MBD5: variants seen among roughly 807,000 people sequenced by gnomAD.
MBD5 encodes methyl-CpG binding domain protein 5.
Under a neutral mutation model 117.3 loss-of-function variants are expected in MBD5, and 13 were observed. The observed-to-expected ratio is 0.11, with a 90% CI of 0.07 to 0.18. MBD5 has a LOEUF of 0.18. Among genes scored for constraint, MBD5 ranks in the 10% least tolerant of loss-of-function variants. The pLI is 1.00. For missense variants in MBD5, 1,879 were observed against 2,093.8 expected, an observed-to-expected ratio of 0.90 and a Z score of 2.00; for synonymous variants, 727 against 766.4, an observed-to-expected ratio of 0.95 and a Z score of 0.85.
chr2:148,450,629 CAA>C (rs1363320833), intron 4 of MBD5, among the ~76,000 whole-genome samples: 1 of 152,106 alleles, frequency 6.6e-6, no homozygotes, highest in African/African-American at 2.4e-5. Context: ...TTCCAAGAAA[CAA>C]GAGCGAAAGT....
intron 2 of MBD5, among the ~76,000 whole-genome samples, chr2:148,223,819 T>G (rs1315615006): frequency 1.3e-5 from 2 of 152,292 alleles, no homozygotes; most frequent in East Asian, 3.9e-4. Flanking sequence ...CTTTAGGTTG[T>G]CTATTTGAAG....
intron 4 of MBD5, among the ~76,000 whole-genome samples, chr2:148,408,140 GA>G: frequency 6.6e-6 from 1 of 152,194 alleles, no homozygotes; most frequent in South Asian, 2.1e-4. Context: ...CAATAAAGAA[GA>G]AAATCTTCAA....
At chr2:148,228,404 G>A (rs1699892477) in intron 2 of MBD5, among the ~76,000 whole-genome samples, 1 of 152,140 alleles carries the variant, frequency 6.6e-6, no homozygotes, top group Non-Finnish European at 1.5e-5. Context: ...TTTATATGCT[G>A]GATTACGTTT....
chr2:148,317,102 AC>A (rs1413993009), intron 3 of MBD5, among the ~76,000 whole-genome samples: 1 of 152,206 alleles, frequency 6.6e-6, no homozygotes, highest in Non-Finnish European at 1.5e-5. Context: ...TAATCCCAGC[AC>A]TTTGGGAGGC....
intron 5 of MBD5, among the ~76,000 whole-genome samples, chr2:148,459,575 G>T (rs1707000696): frequency 6.6e-6 from 1 of 152,132 alleles, no homozygotes; most frequent in African/African-American, 2.4e-5. Context: ...TCTGAAAGAA[G>T]ATACCATAAA....
At chr2:148,117,757 C>T (rs1389265271) in intron 1 of MBD5, among the ~76,000 whole-genome samples, 1 of 152,090 alleles carries the variant, frequency 6.6e-6, no homozygotes, top group Non-Finnish European at 1.5e-5. Context: ...TATATGCCTT[C>T]AATGGATTAT....
intron 4 of MBD5, among the ~76,000 whole-genome samples, chr2:148,445,729 T>C (rs1332939045): frequency 6.6e-6 from 1 of 151,432 alleles, no homozygotes; most frequent in Admixed American, 6.6e-5. Context: ...TCCACAATGG[T>C]TGAACTAGTT....
At chr2:148,226,686 A>T (rs1699830497) in intron 2 of MBD5, among the ~76,000 whole-genome samples, 2 of 152,154 alleles carry the variant, frequency 1.3e-5, no homozygotes, top group East Asian at 1.9e-4. Context: ...AGGAATCGCC[A>T]CACCGACTTC....
intron 4 of MBD5, among the ~76,000 whole-genome samples, chr2:148,424,069 T>C (rs1191283821): frequency 3.3e-5 from 5 of 150,482 alleles, no homozygotes; most frequent in African/African-American, 7.3e-5. Flanking sequence ...CCCCAGCTAC[T>C]CAGGAGGCTG....
At chr2:148,360,340 A>G (rs1289900904) in intron 4 of MBD5, among the ~76,000 whole-genome samples, 1 of 152,130 alleles carries the variant, frequency 6.6e-6, no homozygotes, top group Non-Finnish European at 1.5e-5. Context: ...TATTTTTAGT[A>G]TATGTTCTTT....
rs185601118 is a variant in MBD5, at chr2:148,208,384, G to A, written c.-830-24861G>A. On this transcript the variant is annotated intron_variant, in intron 2 of 13. Transcript: ENST00000642680. ...TTCTGGTGTCTCAGCCTCCCAAGTA[G>A]CTGGGACTACAAGCATGCGCTCCAA... Among the ~76,000 whole-genome samples, 544 of 152,150 alleles carry A rather than the reference G, an allele frequency of 3.6e-3. 2 individuals carry two copies. Among genetic ancestry groups the A allele is most frequent in the African/African-American group, 0.012 (504 of 41,488 alleles).
At chr2:148,111,890 G>T (rs1230618592) in intron 1 of MBD5, among the ~76,000 whole-genome samples, 1 of 152,056 alleles carries the variant, frequency 6.6e-6, no homozygotes, top group African/African-American at 2.4e-5. Flanking sequence ...TAGAGACACA[G>T]ATTAACACAA....
chr2:148,488,576 G>A (rs1331056182), intron 10 of MBD5, among the ~76,000 whole-genome samples: 2 of 147,932 alleles, frequency 1.4e-5, no homozygotes, highest in Non-Finnish European at 3.0e-5. Context: ...TGTAAAGAAA[G>A]AGAGAGATCA....
At chr2:148,411,751 T>A (rs1705255516) in intron 4 of MBD5, among the ~76,000 whole-genome samples, 1 of 152,154 alleles carries the variant, frequency 6.6e-6, no homozygotes, top group South Asian at 2.1e-4. Flanking sequence ...TTAGAACTTT[T>A]TCAGATGAAT....
At chr2:148,044,601 T>G (rs1236896644) in intron 1 of MBD5, 1 of 152,064 alleles carries the variant, frequency 6.6e-6, no homozygotes, top group African/African-American at 2.4e-5. Flanking sequence ...AGATGATGAG[T>G]GGGTAAGTCA....
At chr2:148,134,912 G>A (rs1697138081) in intron 1 of MBD5, among the ~76,000 whole-genome samples, 1 of 152,144 alleles carries the variant, frequency 6.6e-6, no homozygotes, top group Admixed American at 6.5e-5. Flanking sequence ...AATACTTCTT[G>A]AGTAGTTTCC....
chr2:148,195,115 T>C (rs1408204293), intron 2 of MBD5, among the ~76,000 whole-genome samples: 1 of 141,376 alleles, frequency 7.1e-6, no homozygotes, highest in Non-Finnish European at 1.5e-5. Flanking sequence ...AGCAATTGGC[T>C]TTTTGTAGGG....
intron 3 of MBD5, among the ~76,000 whole-genome samples, chr2:148,315,052 C>G (rs1198735015): frequency 6.6e-6 from 1 of 152,090 alleles, no homozygotes; most frequent in Non-Finnish European, 1.5e-5. Flanking sequence ...GGACTAAGAA[C>G]AGAGCCCAAG....
intron 1 of MBD5, among the ~76,000 whole-genome samples, chr2:148,146,271 T>C (rs1558945252): frequency 6.6e-6 from 1 of 152,052 alleles, no homozygotes. Context: ...ATTTGTTTTG[T>C]TTTTTTGAGA....
Sources: allele counts gnomAD v4.1 joint callset (sites outside exome capture counted in the v4.1 genomes callset), GRCh38; gene constraint gnomAD v4.1.1; transcripts MANE v1.5; gene names NCBI Gene and HGNC (gene_info 2026-07-23, HGNC 2026-07-21).